The following HEPHL1 variants were observed in gnomAD, a reference collection of about 807,000 sequenced individuals.
HEPHL1 encodes the protein hephaestin like 1.
In HEPHL1, 123 loss-of-function variants were observed where a neutral mutation model predicts 122.0. That is an observed-to-expected ratio of 1.01 (90% CI 0.87 to 1.17). HEPHL1 has a LOEUF of 1.17. HEPHL1 is among the 50% of genes most tolerant of loss of function. The pLI, the probability that HEPHL1 is intolerant of heterozygous loss-of-function variation, is 0.00. For synonymous variants in HEPHL1, 527 were observed against 508.9 expected, an observed-to-expected ratio of 1.04 and a Z score of -0.48; for missense variants, 1,452 against 1,430.5, an observed-to-expected ratio of 1.01 and a Z score of -0.24.
intron 2 of HEPHL1, among the ~76,000 whole-genome samples, chr11:94,050,782 T>G (rs1945883355): frequency 6.6e-6 from 1 of 152,164 alleles, no homozygotes; most frequent in South Asian, 2.1e-4. Flanking sequence ...ACTATTTTTT[T>G]GTATCCATTA....
In HEPHL1 at chr11:94,111,401, T is replaced by C. The variant is rs568873375; in HGVS notation, c.3209-136T>C. ...GGAAAGCATGTACATGGGAATGAAG[T>C]AGCACAGTAAGAATCCAGAAATGAT... is the stretch of plus-strand genomic sequence containing the variant. On this transcript the variant is annotated intron_variant, in intron 18 of 19. Transcript: ENST00000315765. 7 of 746,550 alleles carry C rather than the reference T, an allele frequency of 9.4e-6. No homozygotes were observed. The South Asian group carries it at 1.0e-4, about 11-fold the overall frequency. The allele number at this position is 746,550 out of a possible 1,614,324, so 46.2% of individuals were successfully genotyped here.
chr11:94,088,951 G>A lies in HEPHL1; in HGVS notation c.2277G>A (p.Val759=), dbSNP rs142429260. ...ACTGGGAGTTCGAAAAGCAGCACGT[G>A]GACGCAAGAGGGGAAAGGTACCACA... The part of the protein sequence containing the change: ...NKNWEFEKQH[V]DARGERHGDI... Residue 759 remains valine (V), a synonymous_variant, in exon 12 of 20, where the codon GTG becomes GTA. Coordinates refer to ENST00000315765, the MANE Select transcript of HEPHL1 (RefSeq NM_001098672.2). 20 of 1,613,946 alleles carry A rather than the reference G, an allele frequency of 1.2e-5. No individual in the cohort carries two copies. In the East Asian group the frequency reaches 4.5e-4, roughly 36 times the overall value.
At position 94,082,573 on chromosome 11, in the gene HEPHL1, G is replaced by T; in HGVS notation, c.1867+5G>T. 1.3e-6 allele frequency: 2 copies of T among 1,599,856 alleles called. No homozygotes were observed. Among genetic ancestry groups the T allele is most frequent in the South Asian group, 2.3e-5 (2 of 88,876 alleles). On this transcript the variant is annotated splice_donor_5th_base_variant and intron_variant, in intron 10 of 19. Transcript: ENST00000315765. ...TGAAATCCAACCGAATGCATGGTAT[G>T]ACAAATGACATTCCCGCCTGTAAAT...
chr11:94,043,075 C>T (rs1391562651), intron 1 of HEPHL1, among the ~76,000 whole-genome samples: 4 of 151,898 alleles, frequency 2.6e-5, no homozygotes, highest in Non-Finnish European at 4.4e-5. Context: ...ATACCTGACA[C>T]GTGCTTAACA....
At chr11:94,047,658 C>T (rs1055788162) in intron 2 of HEPHL1, among the ~76,000 whole-genome samples, 1 of 152,040 alleles carries the variant, frequency 6.6e-6, no homozygotes, top group African/African-American at 2.4e-5. Flanking sequence ...CTGCACGTAG[C>T]AAGTAAAGAT....
At chr11:94,043,754 C>T (rs1945808560) in intron 1 of HEPHL1, among the ~76,000 whole-genome samples, 1 of 151,798 alleles carries the variant, frequency 6.6e-6, no homozygotes, top group South Asian at 2.1e-4. Flanking sequence ...TATACTGAAG[C>T]ATTACTTCCT....
At position 94,111,760 on chromosome 11, in the gene HEPHL1, T is replaced by C; in HGVS notation, c.3346T>C (p.Leu1116=). 6.2e-7 allele frequency: 1 copy of C among 1,602,102 alleles called. No homozygotes were observed. The highest frequency in any genetic ancestry group is 1.3e-5 in the African/African-American group (1 of 74,700). Residue 1116 remains leucine (L), a synonymous_variant, in exon 20 of 20, where the codon TTG becomes CTG. Coordinates refer to ENST00000315765, the MANE Select transcript of HEPHL1 (RefSeq NM_001098672.2). Reference sequence around the variant, plus strand: ...GGGTCCAACAGGAGCCAAGGCAGCCTTGGTCATCCTTTTCATCATTGGACT... The same window carrying C: ...GGGTCCAACAGGAGCCAAGGCAGCCCTGGTCATCCTTTTCATCATTGGACT... The part of the protein sequence containing the change: ...NLGPTGAKAA[L]VILFIIGLLL...
At chr11:94,090,381 A>G (rs918719775) in intron 12 of HEPHL1, among the ~76,000 whole-genome samples, 5 of 152,234 alleles carry the variant, frequency 3.3e-5, no homozygotes, top group African/African-American at 4.8e-5. Context: ...GTATAAAAAT[A>G]TAGCCTTTAT....
Position 94,104,755 on chromosome 11 carries a change from A to G in HEPHL1, c.2905+5A>G. The G allele has an allele frequency of 6.2e-7, 1 of 1,600,028 alleles. No homozygotes were observed. The highest frequency in any genetic ancestry group is 1.1e-5 in the South Asian group (1 of 90,030). On this transcript the variant is annotated splice_donor_5th_base_variant and intron_variant, in intron 16 of 19. Coordinates refer to ENST00000315765, the MANE Select transcript of HEPHL1 (RefSeq NM_001098672.2). ...AGGAAAGCAACAGAATGCATGGTAT[A>G]TCCAAAGTTTAAAAAGAAGCCTATG...
chr11:94,032,586 T>C (rs1477493874), intron 1 of HEPHL1, among the ~76,000 whole-genome samples: 1 of 152,174 alleles, frequency 6.6e-6, no homozygotes, highest in Non-Finnish European at 1.5e-5. Flanking sequence ...CCCAGCAAAC[T>C]GAAGCCTATA....
intron 6 of HEPHL1, among the ~76,000 whole-genome samples, 175 bp from the exon 7 acceptor site, chr11:94,072,850 T>C (rs1946087384): frequency 6.6e-6 from 1 of 152,138 alleles, no homozygotes; most frequent in Admixed American, 6.6e-5. Flanking sequence ...ACCCAGCCTC[T>C]GAAGACTTTT....
chr11:94,070,360 CCT>C lies in HEPHL1; in HGVS notation c.1064-11_1064-10del. 2.5e-6 allele frequency: 4 copies of C among 1,576,656 alleles called. No individual in the cohort carries two copies. The highest frequency in any genetic ancestry group is 3.4e-6 in the Non-Finnish European group (4 of 1,159,774). On this transcript the variant is annotated splice_polypyrimidine_tract_variant and intron_variant, in intron 5 of 19. Coordinates refer to ENST00000315765, the MANE Select transcript of HEPHL1 (RefSeq NM_001098672.2). ...CATTTATGCCTCAGCTCGTGGTTTT[CCT>C]CTGTTCTGCAGCTGGTATGCTGGGG... is the stretch of plus-strand genomic sequence containing the variant.
chr11:94,054,744 G>A (rs1439694143), intron 2 of HEPHL1, among the ~76,000 whole-genome samples: 6 of 152,196 alleles, frequency 3.9e-5, no homozygotes, highest in Non-Finnish European at 2.9e-5. Context: ...TACCTAGGCT[G>A]GAGCTACAGT....
At chr11:94,103,084 A>G in intron 15 of HEPHL1, 64 bp downstream of exon 15, 1 of 934,320 alleles carries the variant, frequency 1.1e-6, no homozygotes, top group East Asian at 2.4e-5. Context: ...TACTTGGGTC[A>G]TCACAATTTG....
intron 9 of HEPHL1, among the ~76,000 whole-genome samples, chr11:94,081,285 G>A (rs115880133): frequency 0.015 from 2,220 of 152,246 alleles, 51 homozygotes; most frequent in African/African-American, 0.05. Flanking sequence ...CACACACTGC[G>A]GCTTGTGGTG....
At chr11:94,024,277 C>G (rs1019235599) in intron 1 of HEPHL1, among the ~76,000 whole-genome samples, 3 of 152,192 alleles carry the variant, frequency 2.0e-5, no homozygotes, top group Non-Finnish European at 4.4e-5. Flanking sequence ...GCTGTGTAAT[C>G]TTGAACATGT....
chr11:94,082,492 C>G lies in HEPHL1; in HGVS notation c.1791C>G (p.Asn597Lys). 6.2e-7 allele frequency: 1 copy of G among 1,612,896 alleles called. No individual in the cohort carries two copies. The highest frequency in any genetic ancestry group is 1.1e-5 in the South Asian group (1 of 91,014). Reference protein sequence around the residue: ...DENLSRYFDENIQKFIWHPFS... With the variant: ...DENLSRYFDEKIQKFIWHPFS... ...ATCTGAGCAGATATTTTGATGAAAA[C>G]ATTCAGAAGTTTATCTGGCATCCCT... The change falls in exon 10 of 20, where the codon AAC (asparagine) becomes AAG (lysine). Residue 597 changes from asparagine (N) to lysine (K), a missense_variant. By Grantham distance (94) the Asn-to-Lys change is moderately conservative. Transcript: ENST00000315765.
chr11:94,101,429 T>C, intron 14 of HEPHL1, 94 bp downstream of exon 14: 1 of 1,247,596 alleles, frequency 8.0e-7, no homozygotes, highest in South Asian at 1.5e-5. Flanking sequence ...CTCATCTTAA[T>C]GTCAATGTGT....
intron 1 of HEPHL1, among the ~76,000 whole-genome samples, chr11:94,042,886 A>AAAAAAAAAAAC (rs1454089883): frequency 2.0e-5 from 3 of 149,116 alleles, no homozygotes; most frequent in Admixed American, 6.7e-5. Context: ...AAAAAAAAAA[A>AAAAAAAAAAAC]AAAAAAACTG....
Sources: gnomAD v4.1 joint callset for allele counts (sites outside exome capture counted in the v4.1 genomes callset) on GRCh38, gnomAD v4.1.1 for gene constraint, MANE v1.5 for transcripts, NCBI Gene and HGNC (gene_info 2026-07-23, HGNC 2026-07-21) for gene names.